SLC38A8: variants seen among roughly 807,000 people sequenced by gnomAD.
SLC38A8 encodes the protein solute carrier family 38 member 8, also known as amino acid transporter SLC38A8.
In SLC38A8, 65 loss-of-function variants were observed where a neutral mutation model predicts 46.0. The observed-to-expected ratio is 1.41, with a 90% CI of 1.16 to 1.74. The LOEUF (loss-of-function observed/expected upper bound fraction) is 1.74, where lower values mean the gene tolerates loss of function less well. Among genes scored for constraint, SLC38A8 ranks in the 40% most tolerant of loss-of-function variants. The pLI is 0.00. For synonymous variants in SLC38A8, 447 were observed against 243.7 expected (o/e 1.83, Z -7.77); for missense variants, 998 against 567.9 (o/e 1.76, Z -7.70).
At chr16:84,013,371 C>T (rs559880264) in intron 9 of SLC38A8, among the ~76,000 whole-genome samples, 45 of 150,194 alleles carry the variant, frequency 3.0e-4, no homozygotes, top group Admixed American at 4.6e-4. Flanking sequence ...GCCTGACACC[C>T]GGGAAGTGCT....
At position 84,036,627 on chromosome 16, in the gene SLC38A8, G is replaced by A. The variant is rs2085302025; in HGVS notation, c.388+75C>T. The A allele has an allele frequency of 7.1e-6, 11 of 1,545,028 alleles. No homozygotes were observed. The South Asian group carries it at 1.0e-4, about 15-fold the overall frequency. On this transcript the variant is annotated intron_variant, in intron 3 of 10. Transcript: ENST00000299709. ...GGCCCAGGCCAGGGCCCCACGTCCTGCTCAACTGGAAACTCCAAGAGGTCA... is the reference window on the plus strand; with the variant it reads ...GGCCCAGGCCAGGGCCCCACGTCCTACTCAACTGGAAACTCCAAGAGGTCA...
At position 84,034,922 on chromosome 16, in the gene SLC38A8, C is replaced by A. The variant is rs111419017; in HGVS notation, c.389-1453G>T. On this transcript the variant is annotated intron_variant, in intron 3 of 10. Coordinates refer to ENST00000299709, the MANE Select transcript of SLC38A8 (RefSeq NM_001080442.3). Reference sequence around the variant, plus strand: ...CCCAGCGTTCCCGGATGCTTGAGATCTTTGGCACCAAAGACATGGTCAATT... The same window carrying A: ...CCCAGCGTTCCCGGATGCTTGAGATATTTGGCACCAAAGACATGGTCAATT... 6.2e-4 allele frequency among the ~76,000 whole-genome samples: 95 copies of A among 152,304 alleles called. 1 individual carries two copies. The highest frequency in any genetic ancestry group is 3.4e-3 in the Middle Eastern group (1 of 294).
At chr16:84,029,861 G>A (rs1003076200) in intron 5 of SLC38A8, among the ~76,000 whole-genome samples, 4 of 152,158 alleles carry the variant, frequency 2.6e-5, no homozygotes, top group African/African-American at 7.2e-5. Flanking sequence ...CTCCCAGTGC[G>A]GTTTGGTAAT....
intron 6 of SLC38A8, among the ~76,000 whole-genome samples, 176 bp downstream of exon 6, chr16:84,029,318 C>G (rs1307629342): frequency 6.6e-6 from 1 of 152,204 alleles, no homozygotes; most frequent in Non-Finnish European, 1.5e-5. Flanking sequence ...CCAACCCATC[C>G]TCATGGTCTG....
intron 2 of SLC38A8, among the ~76,000 whole-genome samples, chr16:84,038,375 C>A (rs142927862): frequency 1.3e-5 from 2 of 152,200 alleles, no homozygotes; most frequent in South Asian, 2.1e-4. Context: ...CCCCTGTGGG[C>A]AGCCACCCGA....
At chr16:84,034,951 C>T (rs919559464) in intron 3 of SLC38A8, among the ~76,000 whole-genome samples, 20 of 152,170 alleles carry the variant, frequency 1.3e-4, no homozygotes, top group Admixed American at 1.3e-3. Context: ...GTCAATTGTA[C>T]CTCGTGCCAT....
intron 5 of SLC38A8, 33 bp downstream of exon 5, chr16:84,031,834 C>G: frequency 6.3e-7 from 1 of 1,595,944 alleles, no homozygotes. Flanking sequence ...GCCTCCCCGC[C>G]GAGGCTGCCG....
At chr16:84,013,404 C>T (rs1189654895) in intron 9 of SLC38A8, among the ~76,000 whole-genome samples, 1 of 138,000 alleles carries the variant, frequency 7.2e-6, no homozygotes, top group Non-Finnish European at 1.5e-5. Flanking sequence ...GCTACCATTA[C>T]TTTCTTTTGT....
At chr16:84,016,333 G>C (rs1034658766) in intron 9 of SLC38A8, among the ~76,000 whole-genome samples, 186 bp downstream of exon 9, 1 of 152,196 alleles carries the variant, frequency 6.6e-6, no homozygotes, top group South Asian at 2.1e-4. Flanking sequence ...TGTTTAATGA[G>C]TGAGGGAAGG....
At chr16:84,027,468 T>A (rs1164244026) in intron 6 of SLC38A8, among the ~76,000 whole-genome samples, 1 of 152,214 alleles carries the variant, frequency 6.6e-6, no homozygotes, top group Non-Finnish European at 1.5e-5. Flanking sequence ...TCTCACTGAC[T>A]GGACAGGCCT....
At chr16:84,017,605 C>T (rs2085045785) in intron 7 of SLC38A8, among the ~76,000 whole-genome samples, 1 of 152,210 alleles carries the variant, frequency 6.6e-6, no homozygotes, top group South Asian at 2.1e-4. Context: ...AACACACCTC[C>T]CATGCCCTGT....
At chr16:84,039,442 T>C (rs1241261932) in intron 2 of SLC38A8, among the ~76,000 whole-genome samples, 1 of 152,092 alleles carries the variant, frequency 6.6e-6, no homozygotes, top group African/African-American at 2.4e-5. Flanking sequence ...TCATAAAACA[T>C]CTGTGGTTGA....
At chr16:84,013,919 G>C (rs909771427) in intron 9 of SLC38A8, among the ~76,000 whole-genome samples, 1 of 152,186 alleles carries the variant, frequency 6.6e-6, no homozygotes, top group Non-Finnish European at 1.5e-5. Context: ...AGACCAGGGA[G>C]TGTGAGGGAG....
intron 4 of SLC38A8, among the ~76,000 whole-genome samples, chr16:84,032,193 TG>T (rs879860974): frequency 3.8e-4 from 54 of 143,082 alleles, no homozygotes; most frequent in Non-Finnish European, 8.1e-4. Context: ...GTTTTGTTGT[TG>T]TTGTTGTTTT....
At chr16:84,032,995 C>T (rs1430821041) in intron 4 of SLC38A8, among the ~76,000 whole-genome samples, 1 of 47,464 alleles carries the variant, frequency 2.1e-5, no homozygotes, top group African/African-American at 1.1e-4. Context: ...GGTGGGTGTG[C>T]ATGGGGGGGT....
intron 9 of SLC38A8, among the ~76,000 whole-genome samples, chr16:84,015,124 C>T (rs999125660): frequency 6.6e-6 from 1 of 152,146 alleles, no homozygotes. Flanking sequence ...CCAGTCGCGG[C>T]TGAATCACAG....
intron 7 of SLC38A8, among the ~76,000 whole-genome samples, chr16:84,019,323 C>G (rs866326757): frequency 1.3e-5 from 2 of 152,198 alleles, no homozygotes; most frequent in East Asian, 3.9e-4. Flanking sequence ...ATCCACCTGC[C>G]TCAGCCTACC....
intron 6 of SLC38A8, among the ~76,000 whole-genome samples, chr16:84,023,667 G>A (rs1047502565): frequency 1.3e-5 from 2 of 152,124 alleles, no homozygotes. Context: ...GCCGAAGGGG[G>A]CAGATCACTT....
At chr16:84,038,287 G>A (rs879107966) in intron 2 of SLC38A8, among the ~76,000 whole-genome samples, 1 of 151,758 alleles carries the variant, frequency 6.6e-6, no homozygotes, top group Non-Finnish European at 1.5e-5. Flanking sequence ...CTCCAGCCTG[G>A]GCCCCAAAGC....
Sources: gnomAD v4.1 joint callset for allele counts (sites outside exome capture counted in the v4.1 genomes callset) on GRCh38, gnomAD v4.1.1 for gene constraint, MANE v1.5 for transcripts, NCBI Gene and HGNC (gene_info 2026-07-23, HGNC 2026-07-21) for gene names.